Variants in SEZ6L2 observed in about 807,000 individuals in gnomAD.
SEZ6L2 encodes seizure related 6 homolog like 2, also known as seizure 6-like protein 2.
In SEZ6L2, 44 loss-of-function variants were observed where a neutral mutation model predicts 97.0. The observed-to-expected ratio is 0.45, with a 90% confidence interval of 0.36 to 0.58. The LOEUF (loss-of-function observed/expected upper bound fraction) is 0.58, where lower values mean the gene tolerates loss of function less well. Among genes scored for constraint, SEZ6L2 ranks in the 20% least tolerant of loss-of-function variants. SEZ6L2 has a pLI of 0.00. For missense variants in SEZ6L2, 1,086 were observed against 1,233.3 expected, an observed-to-expected ratio of 0.88 and a Z score of 1.79; for synonymous variants, 543 against 546.1, an observed-to-expected ratio of 0.99 and a Z score of 0.08.
chr16:29,897,729 G>A, intron 2 of SEZ6L2, 124 bp downstream of exon 2: 1 of 1,171,322 alleles, frequency 8.5e-7, no homozygotes, highest in South Asian at 1.7e-5. Flanking sequence ...AATCTCACAG[G>A]AATGCAGGCT....
At chr16:29,894,823 C>G (rs760247463) in intron 5 of SEZ6L2, among the ~76,000 whole-genome samples, 1 of 152,074 alleles carries the variant, frequency 6.6e-6, no homozygotes, top group Non-Finnish European at 1.5e-5. Flanking sequence ...CCCTGCCCCC[C>G]AGGGTCGCAG....
intron 8 of SEZ6L2, among the ~76,000 whole-genome samples, chr16:29,881,012 G>A (rs1285664218): frequency 1.3e-5 from 2 of 151,406 alleles, no homozygotes; most frequent in African/African-American, 4.9e-5. Context: ...GACCTCAGGT[G>A]ATCCGCTGGC....
At chr16:29,879,804 G>T in intron 9 of SEZ6L2, 60 bp downstream of exon 9, 1 of 1,451,674 alleles carries the variant, frequency 6.9e-7, no homozygotes, top group South Asian at 1.3e-5. Flanking sequence ...GCCTTGCTGG[G>T]ATCCCCAGTT....
In SEZ6L2 at chr16:29,878,433, A is replaced by G; in HGVS notation, c.1574-8T>C. 1.3e-6 allele frequency: 2 copies of G among 1,591,282 alleles called. No homozygotes were observed. The highest frequency in any genetic ancestry group is 1.7e-6 in the Non-Finnish European group (2 of 1,165,608). On this transcript the variant is annotated splice_region_variant and splice_polypyrimidine_tract_variant and intron_variant, in intron 9 of 17. Transcript: ENST00000617533. Reference sequence around the variant, plus strand: ...GCTCCCCTCCACACATGGCTAGGGAAAAAGGGGTGTCAGGTTCAGGACCCA... The same window carrying G: ...GCTCCCCTCCACACATGGCTAGGGAGAAAGGGGTGTCAGGTTCAGGACCCA...
In SEZ6L2 at chr16:29,885,612, G is replaced by A. The variant is rs866834608; in HGVS notation, c.1346C>T (p.Pro449Leu). The change falls in exon 8 of 18, where the codon CCC (proline) becomes CTC (leucine). Residue 449 changes from proline (P) to leucine (L), a missense_variant. Transcript: ENST00000617533. ...TTCAAATCGAAGGCTTAACAGCAGG[G>A]GATTGGCAGGTGTCTCTGACAGCAG... The part of the protein sequence containing the change: ...VELLSETPAN[P>L]LLLSLRFEAF... 2.5e-6 allele frequency: 4 copies of A among 1,614,018 alleles called. No individual in the cohort carries two copies. Among genetic ancestry groups the A allele is most frequent in the Non-Finnish European group, 3.4e-6 (4 of 1,179,918 alleles).
chr16:29,884,962 C>T (rs2068103678), intron 8 of SEZ6L2, among the ~76,000 whole-genome samples: 1 of 151,916 alleles, frequency 6.6e-6, no homozygotes. Context: ...AATCCCAGCA[C>T]TTTGGGCGGC....
intron 5 of SEZ6L2, among the ~76,000 whole-genome samples, chr16:29,891,514 G>A (rs1380887125): frequency 4.6e-5 from 7 of 152,108 alleles, no homozygotes; most frequent in Non-Finnish European, 8.8e-5. Context: ...GGTGGCACAC[G>A]CCTATAATCC....
At chr16:29,889,053 A>G (rs1352559755) in intron 5 of SEZ6L2, among the ~76,000 whole-genome samples, 1 of 148,188 alleles carries the variant, frequency 6.7e-6, no homozygotes, top group Non-Finnish European at 1.5e-5. Context: ...TCAATGAACT[A>G]CTCTGAACTT....
In SEZ6L2 at chr16:29,896,876, TCTC is replaced by T. The variant is rs750527180; in HGVS notation, c.454_456del (p.Glu152del). On this transcript the variant is annotated inframe_deletion, in exon 3 of 18. Transcript: ENST00000617533. The stretch of plus-strand genomic sequence containing the variant: ...GTCGTGGTGATGATGGTGGTCGTCG[TCTC>T]CTCCTCTCCTCCCTCAGGCCCAAGG... 6.2e-6 allele frequency: 10 copies of T among 1,613,690 alleles called. No homozygotes were observed. Among genetic ancestry groups the T allele is most frequent in the Non-Finnish European group, 8.5e-6 (10 of 1,179,846 alleles).
chr16:29,874,802 C>T lies in SEZ6L2; in HGVS notation c.2105-1073G>A, dbSNP rs576038273. Among the ~76,000 whole-genome samples the T allele has an allele frequency of 3.3e-5, 5 of 152,068 alleles. No homozygotes were observed. In the South Asian group the frequency reaches 1.0e-3, roughly 32 times the overall value. Reference sequence around the variant, plus strand: ...GCCAGGCTGGTCTCGAACTCCTGACCTCAGGTGATCCACCCACCTCAGCCT... The same window carrying T: ...GCCAGGCTGGTCTCGAACTCCTGACTTCAGGTGATCCACCCACCTCAGCCT... On this transcript the variant is annotated intron_variant, in intron 12 of 17. Coordinates refer to ENST00000617533, the MANE Select transcript of SEZ6L2 (RefSeq NM_001243332.2).
rs2150784161 is a variant in SEZ6L2, at chr16:29,877,369, C to T, written c.1811G>A (p.Arg604His). Residue 604 changes from arginine (R) to histidine (H), a missense_variant, in exon 11 of 18, where the codon CGC becomes CAC. By Grantham distance (29) the Arg-to-His change is conservative. Around this residue, in one of 2 missense-constraint regions of SEZ6L2, gnomAD observed 310 missense variants for 438.6 expected, o/e 0.71. Transcript: ENST00000617533. ...GAGGTCGGGCCCAGAGGAGAGAAGG[C>T]GGCGGCGCGGCTGAGGTCCCCGCAG... The part of the protein sequence containing the change: ...AQLRGPQPRR[R>H]LLSSGPDLTL... The T allele has an allele frequency of 3.7e-6, 6 of 1,612,374 alleles. No individual in the cohort carries two copies. The highest frequency in any genetic ancestry group is 5.1e-6 in the Non-Finnish European group (6 of 1,179,376).
intron 5 of SEZ6L2, among the ~76,000 whole-genome samples, chr16:29,890,537 A>G (rs1340259426): frequency 6.6e-6 from 1 of 152,046 alleles, no homozygotes; most frequent in Non-Finnish European, 1.5e-5. Context: ...TACACAACAC[A>G]GTTTTGTGAC....
chr16:29,897,228 C>T (rs1567429672), intron 2 of SEZ6L2, 107 bp from the exon 3 acceptor site: 7 of 1,017,362 alleles, frequency 6.9e-6, no homozygotes, highest in Middle Eastern at 3.2e-4. Context: ...ACCACAAAAG[C>T]CTCCCGCACA....
At chr16:29,875,909 C>T (rs887710437) in intron 12 of SEZ6L2, among the ~76,000 whole-genome samples, 3 of 151,926 alleles carry the variant, frequency 2.0e-5, no homozygotes, top group African/African-American at 4.8e-5. Context: ...TGATCCACCG[C>T]ACCTGGCCCT....
chr16:29,887,536 T>C, intron 7 of SEZ6L2, 113 bp downstream of exon 7: 1 of 895,692 alleles, frequency 1.1e-6, no homozygotes, highest in Non-Finnish European at 1.7e-6. Context: ...ATGGACTCGA[T>C]CTCCTGACCT....
intron 17 of SEZ6L2, 45 bp from the exon 18 acceptor site, chr16:29,871,773 T>C: frequency 2.5e-6 from 4 of 1,584,320 alleles, no homozygotes; most frequent in South Asian, 2.3e-5. Context: ...CTGATAGGGG[T>C]GGAAGAGGCA....
Position 29,896,979 on chromosome 16 carries a change from A to T in SEZ6L2, c.354T>A (p.Thr118=), listed in dbSNP as rs768328385. The T allele has an allele frequency of 5.7e-6, 9 of 1,591,838 alleles. No individual in the cohort carries two copies. ...GGGGCGGGGTCAGCAGTTCTGGCGC[A>T]GTGGGGCCTGCCCCCCTGACCCCGT... ...TPNGVRGAGP[T]APELLTPPPG... The change falls in exon 3 of 18, where the codon ACT becomes ACA. Residue 118 remains threonine (T), a synonymous_variant. Transcript: ENST00000617533.
chr16:29,872,153 G>C, intron 17 of SEZ6L2, 34 bp downstream of exon 17: 1 of 1,493,988 alleles, frequency 6.7e-7, no homozygotes, highest in Non-Finnish European at 9.1e-7. Context: ...GGAGAGCCAA[G>C]TGGTGGCTCT....
chr16:29,872,669 T>C (rs369092577), intron 15 of SEZ6L2, 36 bp downstream of exon 15: 24 of 1,610,098 alleles, frequency 1.5e-5, no homozygotes, highest in Non-Finnish European at 2.0e-5. Context: ...CCTCCCAACC[T>C]GGCCAGCCTG....
Sources: allele counts gnomAD v4.1 joint callset (sites outside exome capture counted in the v4.1 genomes callset), GRCh38; gene constraint gnomAD v4.1.1; regional missense constraint gnomAD v4.1.1; transcripts MANE v1.5; gene names NCBI Gene and HGNC (gene_info 2026-07-23, HGNC 2026-07-21).